The following WDPCP variants were observed in gnomAD, a reference collection of about 807,000 sequenced individuals.
The protein encoded by WDPCP is WD repeat containing planar cell polarity effector.
A neutral mutation model predicts 93.1 loss-of-function variants in WDPCP; 71 were observed. The ratio of observed to expected loss-of-function variants is 0.76; its 90% CI spans 0.63 to 0.93. The LOEUF is 0.93. Among genes scored for constraint, WDPCP ranks in the 40% least tolerant of loss-of-function variants. WDPCP has a pLI of 0.00. For synonymous variants in WDPCP, 315 were observed against 315.0 expected, an observed-to-expected ratio of 1.00 and a Z score of 0.00; for missense variants, 844 against 887.4, an observed-to-expected ratio of 0.95 and a Z score of 0.62.
At chr2:63,425,604 ATAGAC>A (rs1027837529) in intron 9 of WDPCP, among the ~76,000 whole-genome samples, 3 of 152,246 alleles carry the variant, frequency 2.0e-5, no homozygotes, top group Non-Finnish European at 2.9e-5. Context: ...TAACAACATA[ATAGAC>A]TAAACTAGGA....
At chr2:63,216,525 C>T (rs1384437310) in intron 14 of WDPCP, among the ~76,000 whole-genome samples, 1 of 152,008 alleles carries the variant, frequency 6.6e-6, no homozygotes, top group Non-Finnish European at 1.5e-5. Context: ...CACTTGGACA[C>T]AGGATGGGGA....
chr2:63,757,382 C>T (rs184394470), intron 2 of WDPCP, among the ~76,000 whole-genome samples: 2 of 152,174 alleles, frequency 1.3e-5, no homozygotes, highest in East Asian at 3.9e-4. Context: ...CTGTATCAGC[C>T]CTTATGTATC....
intron 3 of WDPCP, chr2:63,595,329 C>A: frequency 1.3e-6 from 1 of 780,742 alleles, no homozygotes; most frequent in Non-Finnish European, 2.3e-6. Flanking sequence ...GAATTACATG[C>A]ATGTACATAC....
intron 15 of WDPCP, among the ~76,000 whole-genome samples, chr2:63,166,685 G>T (rs1673016703): frequency 6.6e-6 from 1 of 152,186 alleles, no homozygotes; most frequent in Admixed American, 6.5e-5. Flanking sequence ...TAGCCACCGT[G>T]CCTGGCTGTA....
At chr2:63,558,347 G>GTTT (rs1370544868) in intron 1 of WDPCP, among the ~76,000 whole-genome samples, 1 of 151,900 alleles carries the variant, frequency 6.6e-6, no homozygotes, top group African/African-American at 2.4e-5. Context: ...GGCCAACACA[G>GTTT]GGAAACCCCG....
At chr2:63,633,586 A>G (rs1709887426) in intron 3 of WDPCP, among the ~76,000 whole-genome samples, 1 of 152,166 alleles carries the variant, frequency 6.6e-6, no homozygotes, top group South Asian at 2.1e-4. Flanking sequence ...ACAAATCTAT[A>G]GTAGACACAC....
At chr2:63,735,460 A>G (rs898003648) in intron 2 of WDPCP, among the ~76,000 whole-genome samples, 1 of 152,224 alleles carries the variant, frequency 6.6e-6, no homozygotes, top group African/African-American at 2.4e-5. Flanking sequence ...GCAATGCGCC[A>G]CAGGATGGGA....
intron 1 of WDPCP, among the ~76,000 whole-genome samples, chr2:63,544,811 CT>C (rs1156446036): frequency 6.6e-6 from 1 of 152,030 alleles, no homozygotes; most frequent in Non-Finnish European, 1.5e-5. Flanking sequence ...TGAGCAATAA[CT>C]TTTTTAAATG....
intron 14 of WDPCP, among the ~76,000 whole-genome samples, chr2:63,256,869 A>G (rs1488985851): frequency 6.6e-6 from 1 of 152,176 alleles, no homozygotes; most frequent in Non-Finnish European, 1.5e-5. Flanking sequence ...GTTTGAAAAA[A>G]GGCAAATTAG....
intron 14 of WDPCP, among the ~76,000 whole-genome samples, chr2:63,249,080 G>GTTTCTT (rs1401667960): frequency 2.0e-5 from 3 of 151,956 alleles, no homozygotes; most frequent in African/African-American, 7.2e-5. Flanking sequence ...ATGTTTTCCT[G>GTTTCTT]TTTCTTTGTA....
intron 14 of WDPCP, among the ~76,000 whole-genome samples, chr2:63,255,393 T>G (rs1681049896): frequency 6.6e-6 from 1 of 152,192 alleles, no homozygotes; most frequent in Admixed American, 6.5e-5. Flanking sequence ...TATTGAAATG[T>G]AATCCCCCAT....
chr2:63,628,050 G>A (rs1459545048), intron 3 of WDPCP, among the ~76,000 whole-genome samples: 1 of 152,180 alleles, frequency 6.6e-6, no homozygotes, highest in Non-Finnish European at 1.5e-5. Context: ...ATCCTGCCGC[G>A]AGGACTCCTG....
At chr2:63,167,405 C>G (rs1430792208) in intron 15 of WDPCP, among the ~76,000 whole-genome samples, 1 of 151,616 alleles carries the variant, frequency 6.6e-6, no homozygotes, top group African/African-American at 2.4e-5. Context: ...GGTAAAAGTG[C>G]TTAGTGGTAT....
chr2:63,778,684 T>TA (rs1670342197), intron 2 of WDPCP, among the ~76,000 whole-genome samples: 1 of 152,222 alleles, frequency 6.6e-6, no homozygotes, highest in Non-Finnish European at 1.5e-5. Context: ...GTTCTTTTTA[T>TA]ATCTCAAACT....
chr2:63,385,496 G>A (rs1692654416), intron 10 of WDPCP, among the ~76,000 whole-genome samples: 1 of 151,984 alleles, frequency 6.6e-6, no homozygotes, highest in Admixed American at 6.6e-5. Flanking sequence ...AATAAAAATT[G>A]TAATAAAAAT....
chr2:63,250,567 T>C (rs565549694), intron 14 of WDPCP, among the ~76,000 whole-genome samples: 3 of 152,308 alleles, frequency 2.0e-5, no homozygotes, highest in African/African-American at 7.2e-5. Context: ...GATAAAGATT[T>C]ACAGCTGTGC....
intron 3 of WDPCP, among the ~76,000 whole-genome samples, chr2:63,632,705 A>G (rs1437616315): frequency 6.6e-6 from 1 of 152,200 alleles, no homozygotes; most frequent in Non-Finnish European, 1.5e-5. Flanking sequence ...AAAAGTGAAG[A>G]AAATATATTT....
At chr2:63,512,129 CAT>C (rs1297424684) in intron 1 of WDPCP, among the ~76,000 whole-genome samples, 38 of 152,094 alleles carry the variant, frequency 2.5e-4, no homozygotes, top group African/African-American at 8.7e-4. Flanking sequence ...AGCCAACAAA[CAT>C]ATGAAAAAAA....
chr2:63,208,242 A>G (rs1252647057), intron 14 of WDPCP, among the ~76,000 whole-genome samples: 2 of 152,124 alleles, frequency 1.3e-5, no homozygotes, highest in Non-Finnish European at 2.9e-5. Context: ...TGTTTTTCAA[A>G]TGCTGCTTTG....
Sources: gnomAD v4.1 joint callset for allele counts (sites outside exome capture counted in the v4.1 genomes callset) on GRCh38, gnomAD v4.1.1 for gene constraint, MANE v1.5 for transcripts, NCBI Gene and HGNC (gene_info 2026-07-23, HGNC 2026-07-21) for gene names.